Variants in FHIP1A observed in about 807,000 individuals in gnomAD.
FHIP1A encodes the protein FHF complex subunit HOOK-interacting protein 1A.
FHIP1A carries 61 observed loss-of-function variants against 88.6 expected under a neutral mutation model. That is an observed-to-expected ratio of 0.69 (90% CI 0.56 to 0.85). The LOEUF is 0.85. Ranked by LOEUF, FHIP1A falls within the 40% of genes least tolerant of loss-of-function variation. The pLI, the probability that FHIP1A is intolerant of heterozygous loss-of-function variation, is 0.00. For missense variants in FHIP1A, 1,154 were observed against 1,273.5 expected, an observed-to-expected ratio of 0.91 and a Z score of 1.43; for synonymous variants, 478 against 496.0, an observed-to-expected ratio of 0.96 and a Z score of 0.48.
chr4:151,523,059 A>G (rs1208600034), intron 3 of FHIP1A, among the ~76,000 whole-genome samples: 1 of 152,170 alleles, frequency 6.6e-6, no homozygotes, highest in Non-Finnish European at 1.5e-5. Context: ...GCAGTTAGAG[A>G]ATGGCAAATG....
chr4:151,576,333 T>C (rs944592048), intron 4 of FHIP1A, among the ~76,000 whole-genome samples: 1 of 152,168 alleles, frequency 6.6e-6, no homozygotes, highest in Non-Finnish European at 1.5e-5. Flanking sequence ...TTGTTTTGTT[T>C]GAGACAGGGT....
At chr4:151,543,786 C>T (rs1428117922) in intron 3 of FHIP1A, among the ~76,000 whole-genome samples, 1 of 151,780 alleles carries the variant, frequency 6.6e-6, no homozygotes, top group Non-Finnish European at 1.5e-5. Context: ...CTGTAGTGGA[C>T]ATATTGTTTC....
intron 5 of FHIP1A, among the ~76,000 whole-genome samples, chr4:151,582,605 T>C (rs1359218360): frequency 6.6e-6 from 1 of 152,172 alleles, no homozygotes; most frequent in Non-Finnish European, 1.5e-5. Context: ...AGTTGTTTGC[T>C]TTTTTGTCTG....
chr4:151,604,587 G>A (rs1478390968), intron 7 of FHIP1A, among the ~76,000 whole-genome samples: 5 of 152,210 alleles, frequency 3.3e-5, no homozygotes, highest in African/African-American at 9.6e-5. Flanking sequence ...GGTGGCTCAC[G>A]CCTGTAATCC....
chr4:151,409,825 A>G (rs769264234), intron 1 of FHIP1A, among the ~76,000 whole-genome samples: 1 of 152,152 alleles, frequency 6.6e-6, no homozygotes, highest in African/African-American at 2.4e-5. Flanking sequence ...TGGGAGGCAC[A>G]GGAAAAGGCA....
intron 1 of FHIP1A, among the ~76,000 whole-genome samples, chr4:151,420,796 A>G (rs1319599226): frequency 5.3e-5 from 8 of 152,202 alleles, no homozygotes; most frequent in African/African-American, 1.4e-4. Context: ...ACTAAGATCA[A>G]CCTAGGGAAG....
intron 3 of FHIP1A, among the ~76,000 whole-genome samples, chr4:151,494,527 C>G (rs1219546934): frequency 1.3e-5 from 2 of 152,074 alleles, no homozygotes; most frequent in East Asian, 3.9e-4. Context: ...TTCCATTGCT[C>G]TATGGTCTGT....
At chr4:151,609,241 A>G (rs1003017672) in intron 7 of FHIP1A, among the ~76,000 whole-genome samples, 1 of 152,204 alleles carries the variant, frequency 6.6e-6, no homozygotes. Flanking sequence ...CCTTGGTGCT[A>G]TGGGCAGGAG....
intron 8 of FHIP1A, among the ~76,000 whole-genome samples, chr4:151,637,515 A>G (rs1017351926): frequency 6.6e-6 from 1 of 152,196 alleles, no homozygotes; most frequent in African/African-American, 2.4e-5. Context: ...GGTAGGGGTT[A>G]CTATGCAATC....
rs1169102748 is a variant in FHIP1A, at chr4:151,629,846, A to G, written c.1123A>G (p.Ser375Gly). Residue 375 changes from serine (S) to glycine (G), a missense_variant, in exon 8 of 14, where the codon AGT becomes GGT. Physicochemically the swap from Ser to Gly is moderately conservative, Grantham distance 56. Transcript: ENST00000435205. ...ENVHILDTLT[S>G]RINTPFRLCV... is the part of the protein sequence containing the mutation. ...TGTCCACATCCTAGACACTCTCACG[A>G]GTCGAATCAACACCCCGTTTCGGGT... 4 of 1,551,158 alleles carry G rather than the reference A, an allele frequency of 2.6e-6. No homozygotes were observed. In the African/African-American group the frequency reaches 4.1e-5, roughly 16 times the overall value.
rs922351044 is a variant in FHIP1A at position 151,665,001 on chromosome 4, A to G, written c.*2247A>G. ...CTTTATTATTTTATTTTTTTGAGAC[A>G]GGATCTTGCGCTGCCTGGGCTAGAG... On this transcript the variant is annotated 3_prime_UTR_variant, in exon 14 of 14. Transcript: ENST00000435205. Among the ~76,000 whole-genome samples, 1 of 152,138 alleles carries G rather than the reference A, an allele frequency of 6.6e-6. No individual in the cohort carries two copies. Among genetic ancestry groups the G allele is most frequent in the African/African-American group, 2.4e-5 (1 of 41,426 alleles).
chr4:151,603,325 A>G (rs1203560562), intron 7 of FHIP1A, among the ~76,000 whole-genome samples: 1 of 151,276 alleles, frequency 6.6e-6, no homozygotes, highest in African/African-American at 2.4e-5. Flanking sequence ...AAAAAAAAAA[A>G]GAGAGATTGT....
rs577952127 is a variant in FHIP1A, at chr4:151,585,882, C to T, written c.733-759C>T. On this transcript the variant is annotated intron_variant, in intron 5 of 13. Transcript: ENST00000435205. ...ATAGATGTCATGGTTAGATCACCCT[C>T]ATATTCACCTTCCATGTGATGCTCA... Among the ~76,000 whole-genome samples the T allele has an allele frequency of 3.3e-5, 5 of 152,248 alleles. No homozygotes were observed. In the Middle Eastern group the frequency reaches 0.014, roughly 414 times the overall value.
chr4:151,456,457 A>G (rs1181811411), intron 2 of FHIP1A, among the ~76,000 whole-genome samples: 2 of 152,194 alleles, frequency 1.3e-5, no homozygotes, highest in East Asian at 3.8e-4. Context: ...GATGAAATGA[A>G]GGGAAAGCAA....
Position 151,597,295 on chromosome 4 carries a change from G to C in FHIP1A, c.978+8369G>C, listed in dbSNP as rs1444806196. 2.0e-5 allele frequency among the ~76,000 whole-genome samples: 3 copies of C among 152,108 alleles called. No individual in the cohort carries two copies. The East Asian group carries it at 5.8e-4, about 29-fold the overall frequency. ...CTAACAGTCAGGCCCCTCTGCTGCA[G>C]GTCTGCTGGAGTTTGCTGGAGGTCC... On this transcript the variant is annotated intron_variant, in intron 7 of 13. Transcript: ENST00000435205.
At chr4:151,619,270 A>T (rs1735651371) in intron 7 of FHIP1A, among the ~76,000 whole-genome samples, 1 of 152,256 alleles carries the variant, frequency 6.6e-6, no homozygotes, top group Non-Finnish European at 1.5e-5. Flanking sequence ...AAATTAAAAC[A>T]ATTTTTGGTT....
In FHIP1A at chr4:151,656,444, A is replaced by G. The variant is rs781186568; in HGVS notation, c.2730+34A>G. 8.5e-6 allele frequency: 13 copies of G among 1,534,612 alleles called. No individual in the cohort carries two copies. The South Asian group carries it at 1.6e-4, about 19-fold the overall frequency. The stretch of plus-strand genomic sequence containing the variant: ...GCTGAACCCACATCCACACCTGTTG[A>G]TTTTGTGGGTGCTAATTTGCAGGGC... On this transcript the variant is annotated intron_variant, in intron 12 of 13. Coordinates refer to ENST00000435205, the MANE Select transcript of FHIP1A (RefSeq NM_001109977.3). The surrounding 1 kb of genome is among the most constrained non-coding windows in gnomAD (Gnocchi z 4.2).
At chr4:151,446,884 G>A (rs1728630338) in intron 1 of FHIP1A, among the ~76,000 whole-genome samples, 1 of 152,100 alleles carries the variant, frequency 6.6e-6, no homozygotes, top group African/African-American at 2.4e-5. Context: ...AGCACTTGAG[G>A]AGATGGGTTG....
At chr4:151,462,691 C>G (rs1235766414) in intron 2 of FHIP1A, among the ~76,000 whole-genome samples, 1 of 152,148 alleles carries the variant, frequency 6.6e-6, no homozygotes, top group Non-Finnish European at 1.5e-5. Flanking sequence ...ATTTGATGAG[C>G]ATAGTCCTGG....
Sources: gnomAD v4.1 joint callset for allele counts (sites outside exome capture counted in the v4.1 genomes callset) on GRCh38, gnomAD v4.1.1 for gene constraint, Gnocchi (gnomAD v3.1) non-coding constraint, MANE v1.5 for transcripts, NCBI Gene and HGNC (gene_info 2026-07-23, HGNC 2026-07-21) for gene names.